The following CCDC60 variants were observed in gnomAD, a reference collection of about 807,000 sequenced individuals.
CCDC60 encodes the protein coiled-coil domain-containing protein 60.
CCDC60 carries 54 observed loss-of-function variants against 63.5 expected under a neutral mutation model. The ratio of observed to expected loss-of-function variants is 0.85; its 90% CI spans 0.68 to 1.07. CCDC60 has a LOEUF of 1.07. CCDC60 is among the 50% of genes least tolerant of loss of function. The pLI, the probability that CCDC60 is intolerant of heterozygous loss-of-function variation, is 0.00. For synonymous variants in CCDC60, 206 were observed against 238.8 expected (o/e 0.86, Z 1.27); for missense variants, 651 against 684.3 (o/e 0.95, Z 0.54).
At chr12:119,414,498 T>G (rs1956665072) in intron 1 of CCDC60, among the ~76,000 whole-genome samples, 1 of 152,226 alleles carries the variant, frequency 6.6e-6, no homozygotes, top group South Asian at 2.1e-4. Flanking sequence ...TCAGGGAGGC[T>G]TAATGGCTGA....
At chr12:119,400,047 CTTTTTTTTTTT>C (rs550702095) in intron 1 of CCDC60, among the ~76,000 whole-genome samples, 3 of 131,800 alleles carry the variant, frequency 2.3e-5, no homozygotes, top group East Asian at 4.3e-4. Flanking sequence ...GGTTGGTTTC[CTTTTTTTTTTT>C]TTTTTTTTTG....
chr12:119,448,818 C>G (rs866135889), intron 2 of CCDC60, among the ~76,000 whole-genome samples: 10 of 152,176 alleles, frequency 6.6e-5, no homozygotes, highest in African/African-American at 1.9e-4. Context: ...CCAGAAATCA[C>G]CCTAATTGGG....
At chr12:119,463,371 C>A (rs555416543) in intron 2 of CCDC60, among the ~76,000 whole-genome samples, 5 of 152,226 alleles carry the variant, frequency 3.3e-5, no homozygotes, top group Non-Finnish European at 7.3e-5. Flanking sequence ...AACATCCTGA[C>A]CATCTACCAA....
At chr12:119,370,863 A>G (rs1283816504) in intron 1 of CCDC60, among the ~76,000 whole-genome samples, 1 of 152,058 alleles carries the variant, frequency 6.6e-6, no homozygotes, top group African/African-American at 2.4e-5. Context: ...CCCCATCTCT[A>G]CAAAATATTT....
chr12:119,510,466 G>C (rs1447100751), intron 7 of CCDC60, among the ~76,000 whole-genome samples: 1 of 151,966 alleles, frequency 6.6e-6, no homozygotes. Context: ...GATTCACCCA[G>C]GTTTCCTCTT....
chr12:119,433,640 T>G, intron 2 of CCDC60: 1 of 698,256 alleles, frequency 1.4e-6, no homozygotes, highest in Non-Finnish European at 2.6e-6. Flanking sequence ...ACAAAGATGA[T>G]GTTGACTTTT....
intron 7 of CCDC60, among the ~76,000 whole-genome samples, chr12:119,510,810 G>A (rs544802630): frequency 7.3e-4 from 111 of 152,214 alleles, no homozygotes; most frequent in African/African-American, 1.2e-3. Context: ...AGCAAAGTAC[G>A]AAAGTGCCCA....
rs79479170 is a variant in CCDC60, at chr12:119,381,740, G to T, written c.90+46474G>T. Among the ~76,000 whole-genome samples the T allele has an allele frequency of 7.8e-3, 1,188 of 152,226 alleles. 14 individuals carry two copies. Among genetic ancestry groups the T allele is most frequent in the African/African-American group, 0.027 (1,134 of 41,520 alleles). On this transcript the variant is annotated intron_variant, in intron 1 of 13. Transcript: ENST00000327554. ...GCTCAGAGAGTCGAAGTCACTCAAG[G>T]TCTCCTGGCCAGCAAGCAGTGGAGT...
chr12:119,408,359 G>A (rs1419786125), intron 1 of CCDC60, among the ~76,000 whole-genome samples: 2 of 152,186 alleles, frequency 1.3e-5, no homozygotes, highest in African/African-American at 4.8e-5. Flanking sequence ...GATCTCCTGA[G>A]GCCACACTGA....
intron 1 of CCDC60, among the ~76,000 whole-genome samples, chr12:119,411,353 T>C (rs1956596475): frequency 6.6e-6 from 1 of 152,080 alleles, no homozygotes; most frequent in African/African-American, 2.4e-5. Context: ...CTAGGTTTTA[T>C]GGCTTGCTTT....
At chr12:119,396,019 C>T (rs191761806) in intron 1 of CCDC60, among the ~76,000 whole-genome samples, 70 of 152,160 alleles carry the variant, frequency 4.6e-4, no homozygotes, top group Middle Eastern at 3.4e-3. Flanking sequence ...CTCACTGCAA[C>T]CTCTGCCTCC....
chr12:119,414,495 G>T (rs1956665007), intron 1 of CCDC60, among the ~76,000 whole-genome samples: 1 of 152,150 alleles, frequency 6.6e-6, no homozygotes, highest in African/African-American at 2.4e-5. Context: ...TTTTCAGGGA[G>T]GCTTAATGGC....
chr12:119,457,494 G>A (rs1167632666), intron 2 of CCDC60, among the ~76,000 whole-genome samples: 1 of 152,226 alleles, frequency 6.6e-6, no homozygotes, highest in Non-Finnish European at 1.5e-5. Context: ...GTTTGGATGT[G>A]ATTTAATAAG....
intron 2 of CCDC60, among the ~76,000 whole-genome samples, chr12:119,457,249 C>T (rs1950765565): frequency 6.6e-6 from 1 of 152,202 alleles, no homozygotes; most frequent in Non-Finnish European, 1.5e-5. Flanking sequence ...AAAGGGACTT[C>T]TCCTCCACTG....
At position 119,528,661 on chromosome 12, in the gene CCDC60, G is replaced by T; in HGVS notation, c.1276G>T (p.Val426Phe). ...CCAGAAGTTCCGTGCTTTTGTCCTT[G>T]TCTCAAATTTTCAAAAGGACATAGC... ...GIQKFRAFVLVSNFQKDIAKM... is the reference protein window; with the variant it reads ...GIQKFRAFVLFSNFQKDIAKM... The change falls in exon 12 of 14, where the codon GTC becomes TTC. Residue 426 changes from valine (V) to phenylalanine (F), a missense_variant. Transcript: ENST00000327554. The T allele has an allele frequency of 6.2e-7, 1 of 1,614,024 alleles. No individual in the cohort carries two copies. The highest frequency in any genetic ancestry group is 8.5e-7 in the Non-Finnish European group (1 of 1,179,936).
chr12:119,496,282 C>T (rs544716602), intron 5 of CCDC60, among the ~76,000 whole-genome samples: 91 of 152,272 alleles, frequency 6.0e-4, no homozygotes, highest in African/African-American at 2.0e-3. Flanking sequence ...AAAGAGAGCA[C>T]GAAGTATTTG....
chr12:119,440,625 C>T (rs2136258482), intron 2 of CCDC60, among the ~76,000 whole-genome samples: 1 of 152,216 alleles, frequency 6.6e-6, no homozygotes, highest in South Asian at 2.1e-4. Flanking sequence ...CCCAGGGAAA[C>T]GGCATCTGAG....
At chr12:119,397,121 A>T (rs886753659) in intron 1 of CCDC60, among the ~76,000 whole-genome samples, 2 of 151,716 alleles carry the variant, frequency 1.3e-5, no homozygotes, top group African/African-American at 4.8e-5. Context: ...CTGTGAGTTC[A>T]TGCTCTCGCT....
chr12:119,383,612 G>C (rs919528737), intron 1 of CCDC60, among the ~76,000 whole-genome samples: 4 of 152,224 alleles, frequency 2.6e-5, no homozygotes, highest in African/African-American at 9.6e-5. Context: ...CGAGTGTGCA[G>C]AAAATAGCAT....
Sources: allele counts gnomAD v4.1 joint callset (sites outside exome capture counted in the v4.1 genomes callset), GRCh38; gene constraint gnomAD v4.1.1; transcripts MANE v1.5; gene names NCBI Gene and HGNC (gene_info 2026-07-23, HGNC 2026-07-21).